The following EEA1 variants were observed in gnomAD, a reference collection of about 807,000 sequenced individuals.
EEA1 encodes early endosome antigen 1, 162kD.
EEA1 carries 111 observed loss-of-function variants against 209.2 expected under a neutral mutation model. The observed-to-expected ratio is 0.53, with a 90% CI of 0.45 to 0.62. The LOEUF (loss-of-function observed/expected upper bound fraction) is 0.62. Ranked by LOEUF, EEA1 falls within the 20% of genes least tolerant of loss-of-function variation. EEA1 has a pLI of 0.00. For missense variants in EEA1, 1,343 were observed against 1,530.8 expected (o/e 0.88, Z 2.05); for synonymous variants, 536 against 540.6 (o/e 0.99, Z 0.12).
intron 2 of EEA1, among the ~76,000 whole-genome samples, chr12:92,866,911 C>T (rs573381279): frequency 6.9e-4 from 105 of 152,288 alleles, no homozygotes; most frequent in African/African-American, 2.5e-3. Context: ...TAAGCATAAA[C>T]ATTTCTCCTT....
chr12:92,907,753 A>G (rs529969693), intron 1 of EEA1, among the ~76,000 whole-genome samples: 120 of 152,296 alleles, frequency 7.9e-4, no homozygotes, highest in Middle Eastern at 6.8e-3. Context: ...TTTCCTCACT[A>G]TGTTCTCCAG....
At chr12:92,812,517 A>C (rs1355647521) in intron 16 of EEA1, among the ~76,000 whole-genome samples, 1 of 152,116 alleles carries the variant, frequency 6.6e-6, no homozygotes, top group Non-Finnish European at 1.5e-5. Flanking sequence ...CCTATTACCA[A>C]GAAAGGAGTA....
In EEA1 at chr12:92,913,442, A is replaced by G. The variant is rs527496532; in HGVS notation, c.24+15601T>C. Among the ~76,000 whole-genome samples, 18 of 152,304 alleles carry G rather than the reference A, an allele frequency of 1.2e-4. No individual in the cohort carries two copies. The South Asian group carries it at 3.7e-3, about 32-fold the overall frequency. ...AGATTCCGGATGTTAGTCCTTTGTCAGATGAATAGTTTGCAAGCATTTTCT... is the reference window on the plus strand; with the variant it reads ...AGATTCCGGATGTTAGTCCTTTGTCGGATGAATAGTTTGCAAGCATTTTCT... On this transcript the variant is annotated intron_variant, in intron 1 of 28. Coordinates refer to ENST00000322349, the MANE Select transcript of EEA1 (RefSeq NM_003566.4).
At position 92,924,274 on chromosome 12, in the gene EEA1, C is replaced by A. The variant is rs1404964647; in HGVS notation, c.24+4769G>T. On this transcript the variant is annotated intron_variant, in intron 1 of 28. Transcript: ENST00000322349. ...AGGCTGGAGAGTGCAATGGCACAAT[C>A]TCGGCTCACTGCAATCTCAGCCTCC... is the stretch of plus-strand genomic sequence containing the variant. 2.2e-5 allele frequency among the ~76,000 whole-genome samples: 3 copies of A among 133,820 alleles called. No homozygotes were observed. In the Admixed American group the frequency reaches 2.5e-4, roughly 11 times the overall value. 87.8% of individuals were successfully genotyped at this position (133,820 alleles called of 152,430 possible).
chr12:92,826,261 T>C lies in EEA1; in HGVS notation c.1429A>G (p.Thr477Ala), dbSNP rs1438724329. The C allele has an allele frequency of 8.1e-6, 13 of 1,612,546 alleles. No homozygotes were observed. In the Admixed American group the frequency reaches 1.7e-4, roughly 21 times the overall value. Reference sequence around the variant, plus strand: ...TTATCTAATTGATGCTGCAATTCTGTAGAATTTGTAACTTTTTCCTTCAAC... The same window carrying C: ...TTATCTAATTGATGCTGCAATTCTGCAGAATTTGTAACTTTTTCCTTCAAC... ...EQLKEKVTNSTELQHQLDKTK... is the reference protein window; with the variant it reads ...EQLKEKVTNSAELQHQLDKTK... The change falls in exon 13 of 29, where the codon ACA (threonine) becomes GCA (alanine). Residue 477 changes from threonine (T) to alanine (A), a missense_variant. Around this residue, in one of 3 missense-constraint regions of EEA1, gnomAD observed 1,307 missense variants for 1,465.5 expected, o/e 0.89. Transcript: ENST00000322349.
chr12:92,928,534 CCCTCCA>C (rs1428255284), intron 1 of EEA1, among the ~76,000 whole-genome samples: 1 of 152,348 alleles, frequency 6.6e-6, no homozygotes, highest in Middle Eastern at 3.4e-3. Context: ...CACCACACCA[CCCTCCA>C]CTGTGGTCCA....
intron 14 of EEA1, among the ~76,000 whole-genome samples, chr12:92,816,841 T>TAAAA: frequency 2.8e-3 from 421 of 151,726 alleles, no homozygotes; most frequent in African/African-American, 9.9e-3. Flanking sequence ...TTATATATTC[T>TAAAA]GGGCATTTCT....
chr12:92,842,081 A>C (rs1406947816), intron 10 of EEA1, among the ~76,000 whole-genome samples: 1 of 152,224 alleles, frequency 6.6e-6, no homozygotes, highest in African/African-American at 2.4e-5. Context: ...ACTATAAGTC[A>C]GTCACAAAAA....
At position 92,858,164 on chromosome 12, in the gene EEA1, C is replaced by T. The variant is rs1231963846; in HGVS notation, c.246-679G>A. ...CACCTCAGAGTTGGTGGGGGAAGGC[C>T]CACCCAGATAAGATCTGTGACCAGA... On this transcript the variant is annotated intron_variant, in intron 3 of 28. Coordinates refer to ENST00000322349, the MANE Select transcript of EEA1 (RefSeq NM_003566.4). 1.3e-5 allele frequency: 8 copies of T among 633,654 alleles called. No individual in the cohort carries two copies. In the East Asian group the frequency reaches 2.2e-4, roughly 17 times the overall value. The allele number at this position is 633,654 out of a possible 1,614,324, so 39.3% of individuals were successfully genotyped here. A position where few individuals can be genotyped will look rare whatever the true frequency, so the allele number is the denominator to read the frequency against.
At chr12:92,803,268 G>T (rs552422104) in intron 18 of EEA1, among the ~76,000 whole-genome samples, 1 of 152,008 alleles carries the variant, frequency 6.6e-6, no homozygotes, top group Admixed American at 6.5e-5. Context: ...GAAGACAAAT[G>T]ATTTACTTTA....
At chr12:92,917,533 C>T (rs949287911) in intron 1 of EEA1, among the ~76,000 whole-genome samples, 3 of 150,150 alleles carry the variant, frequency 2.0e-5, no homozygotes, top group Non-Finnish European at 3.0e-5. Flanking sequence ...ACTTTACAGA[C>T]AAGCAAATGC....
At chr12:92,908,074 C>A (rs182636739) in intron 1 of EEA1, among the ~76,000 whole-genome samples, 1 of 152,278 alleles carries the variant, frequency 6.6e-6, no homozygotes, top group Non-Finnish European at 1.5e-5. Context: ...TGTAAATAAT[C>A]CAATGTCTGT....
chr12:92,849,700 TAAAGA>T (rs1323771283), intron 9 of EEA1, among the ~76,000 whole-genome samples: 1 of 152,152 alleles, frequency 6.6e-6, no homozygotes, highest in Non-Finnish European at 1.5e-5. Flanking sequence ...TCCCATAAGA[TAAAGA>T]AAGATTTTTA....
At chr12:92,853,572 G>A (rs1398305739) in intron 6 of EEA1, among the ~76,000 whole-genome samples, 1 of 152,114 alleles carries the variant, frequency 6.6e-6, no homozygotes, top group Non-Finnish European at 1.5e-5. Context: ...ATTCATTAAA[G>A]TATGCAGTCA....
At chr12:92,797,368 G>C (rs538664171) in intron 21 of EEA1, among the ~76,000 whole-genome samples, 135 of 152,302 alleles carry the variant, frequency 8.9e-4, no homozygotes, top group Middle Eastern at 6.8e-3. Context: ...GATTACAGGT[G>C]TGAGCCACTG....
At position 92,801,629 on chromosome 12, in the gene EEA1, G is replaced by C; in HGVS notation, c.2743C>G (p.Leu915Val). 7 of 1,591,190 alleles carry C rather than the reference G, an allele frequency of 4.4e-6. No individual in the cohort carries two copies. The highest frequency in any genetic ancestry group is 6.0e-6 in the Non-Finnish European group (7 of 1,172,240). ...MENTLKEQKELKKSLEKEKEA... is the reference protein window; with the variant it reads ...MENTLKEQKEVKKSLEKEKEA... ...TTCTCTTTTTCAAGTGACTTTTTCA[G>C]TTCCTTCTGTTCCTTAAGTGTGTTT... The change falls in exon 20 of 29, where the codon CTG becomes GTG. Residue 915 changes from leucine (L) to valine (V), a missense_variant. Leu to Val is a conservative substitution (Grantham distance 32, BLOSUM62 1). Coordinates refer to ENST00000322349, the MANE Select transcript of EEA1 (RefSeq NM_003566.4).
At chr12:92,856,467 GT>G (rs2136713954) in intron 5 of EEA1, among the ~76,000 whole-genome samples, 1 of 152,184 alleles carries the variant, frequency 6.6e-6, no homozygotes, top group East Asian at 1.9e-4. Flanking sequence ...ATGAGTGTGT[GT>G]GCATGTATGT....
intron 18 of EEA1, 89 bp downstream of exon 18, chr12:92,808,928 T>A: frequency 1.7e-6 from 2 of 1,199,512 alleles, no homozygotes; most frequent in Non-Finnish European, 2.3e-6. Flanking sequence ...CTTTAAGCAC[T>A]ACGATAGCAA....
At chr12:92,906,266 AT>A (rs1880382966) in intron 1 of EEA1, among the ~76,000 whole-genome samples, 1 of 150,998 alleles carries the variant, frequency 6.6e-6, no homozygotes. Context: ...TAATTTTTGT[AT>A]TTTTTTTATA....
Sources: gnomAD v4.1 joint callset for allele counts (sites outside exome capture counted in the v4.1 genomes callset) on GRCh38, gnomAD v4.1.1 for gene constraint, gnomAD v4.1.1 regional missense constraint, MANE v1.5 for transcripts, NCBI Gene and HGNC (gene_info 2026-07-23, HGNC 2026-07-21) for gene names.